LMBRD1: variants seen among roughly 807,000 people sequenced by gnomAD.
LMBRD1 encodes the protein lysosomal cobalamin transport escort protein LMBD1.
In LMBRD1, 64 loss-of-function variants were observed where a neutral mutation model predicts 74.8. That is an observed-to-expected ratio of 0.86 (90% CI 0.70 to 1.05). The LOEUF is 1.05. LMBRD1 is among the 50% of genes least tolerant of loss of function. The pLI is 0.00. For synonymous variants in LMBRD1, 204 were observed against 216.3 expected (o/e 0.94, Z 0.50); for missense variants, 652 against 645.9 (o/e 1.01, Z -0.10).
chr6:69,734,579 A>G (rs1387546502), intron 7 of LMBRD1, among the ~76,000 whole-genome samples: 1 of 152,054 alleles, frequency 6.6e-6, no homozygotes, highest in Non-Finnish European at 1.5e-5. Context: ...TATTTTCAGT[A>G]GAGATGGGGT....
chr6:69,716,890 A>G (rs1225080382), intron 8 of LMBRD1, among the ~76,000 whole-genome samples: 1 of 150,792 alleles, frequency 6.6e-6, no homozygotes, highest in African/African-American at 2.4e-5. Flanking sequence ...TTAATTATTA[A>G]TTAATTTTAA....
intron 3 of LMBRD1, among the ~76,000 whole-genome samples, chr6:69,771,587 T>C (rs551506972): frequency 6.6e-6 from 1 of 152,244 alleles, no homozygotes; most frequent in African/African-American, 2.4e-5. Flanking sequence ...TGGGCCATCA[T>C]GAGAGTTTGC....
chr6:69,687,137 ATTCCTC>A (rs1765780207), intron 14 of LMBRD1, among the ~76,000 whole-genome samples: 1 of 152,090 alleles, frequency 6.6e-6, no homozygotes, highest in East Asian at 1.9e-4. Context: ...TCTGCTTGCT[ATTCCTC>A]TACCTCCTCA....
At chr6:69,733,022 GGTACA>G (rs1252856607) in intron 7 of LMBRD1, among the ~76,000 whole-genome samples, 3 of 151,824 alleles carry the variant, frequency 2.0e-5, no homozygotes, top group Non-Finnish European at 4.4e-5. Flanking sequence ...ATTAATACAG[GGTACA>G]GTAGTCAGAA....
chr6:69,749,551 T>G, intron 4 of LMBRD1, 143 bp from the exon 5 acceptor site: 1 of 693,132 alleles, frequency 1.4e-6, no homozygotes, highest in East Asian at 2.8e-5. Context: ...AACCTTAAAA[T>G]TTAAAGAAAA....
intron 9 of LMBRD1, among the ~76,000 whole-genome samples, chr6:69,707,413 C>A (rs576651034): frequency 6.6e-6 from 1 of 152,232 alleles, no homozygotes; most frequent in East Asian, 1.9e-4. Context: ...ATGAGGGCAT[C>A]ATTAGGTGAA....
At position 69,770,461 on chromosome 6, in the gene LMBRD1, T is replaced by C. The variant is rs143665700; in HGVS notation, c.307+10033A>G. ...AGCTGTTGTTTTCTGTTCAGTTTTG[T>C]CCAACTTCATATTTGTTTTCTGGTG... On this transcript the variant is annotated intron_variant, in intron 3 of 15. Transcript: ENST00000649934. Among the ~76,000 whole-genome samples, 9 of 152,326 alleles carry C rather than the reference T, an allele frequency of 5.9e-5. No individual in the cohort carries two copies. The East Asian group carries it at 1.7e-3, about 29-fold the overall frequency.
At chr6:69,685,854 A>T (rs1053882712) in intron 14 of LMBRD1, among the ~76,000 whole-genome samples, 1 of 152,126 alleles carries the variant, frequency 6.6e-6, no homozygotes, top group Non-Finnish European at 1.5e-5. Flanking sequence ...TCGGTTTCAC[A>T]AATCTTCCAA....
chr6:69,695,263 G>T (rs1242218488), intron 14 of LMBRD1, among the ~76,000 whole-genome samples: 1 of 151,442 alleles, frequency 6.6e-6, no homozygotes, highest in Non-Finnish European at 1.5e-5. Flanking sequence ...AAAAAAAAAA[G>T]TTCTTGACTC....
chr6:69,771,170 A>G (rs1487872481), intron 3 of LMBRD1, among the ~76,000 whole-genome samples: 1 of 152,212 alleles, frequency 6.6e-6, no homozygotes, highest in Admixed American at 6.5e-5. Context: ...TGGGTCCCCA[A>G]GCTCAGAATT....
intron 2 of LMBRD1, among the ~76,000 whole-genome samples, chr6:69,788,275 A>G (rs1259383206): frequency 6.6e-6 from 1 of 152,168 alleles, no homozygotes; most frequent in Non-Finnish European, 1.5e-5. Flanking sequence ...TCAAACAATA[A>G]TTATACCAGG....
rs552143645 is a variant in LMBRD1, at chr6:69,742,872, A to G, written c.474-995T>C. On this transcript the variant is annotated intron_variant, in intron 5 of 15. Coordinates refer to ENST00000649934, the MANE Select transcript of LMBRD1 (RefSeq NM_018368.4). ...TATTTAAAAAATGACTGGGCACAGCATGTCAGGGGGTTACTTAAATTTCTA... is the reference window on the plus strand; with the variant it reads ...TATTTAAAAAATGACTGGGCACAGCGTGTCAGGGGGTTACTTAAATTTCTA... Among the ~76,000 whole-genome samples, 4 of 152,256 alleles carry G rather than the reference A, an allele frequency of 2.6e-5. No homozygotes were observed. In the South Asian group the frequency reaches 8.3e-4, roughly 32 times the overall value.
intron 1 of LMBRD1, 70 bp from the exon 2 acceptor site, chr6:69,790,542 A>G: frequency 6.7e-7 from 1 of 1,493,250 alleles, no homozygotes; most frequent in Non-Finnish European, 9.3e-7. Flanking sequence ...ATGTGTTTGA[A>G]AGTTTCTAGC....
chr6:69,697,915 T>C (rs1670595275), intron 13 of LMBRD1, among the ~76,000 whole-genome samples: 1 of 152,096 alleles, frequency 6.6e-6, no homozygotes, highest in Admixed American at 6.6e-5. Flanking sequence ...AAGTATAGCA[T>C]CTGAAAGGAA....
At chr6:69,732,784 A>T (rs1766888230) in intron 7 of LMBRD1, among the ~76,000 whole-genome samples, 1 of 152,192 alleles carries the variant, frequency 6.6e-6, no homozygotes, top group Non-Finnish European at 1.5e-5. Context: ...TAGGCAGTTC[A>T]CTGGTCCATA....
rs963096353 is a variant in LMBRD1, at chr6:69,674,462, C to T, written c.*1696G>A. Among the ~76,000 whole-genome samples the T allele has an allele frequency of 1.4e-4, 22 of 152,220 alleles. No individual in the cohort carries two copies. Among genetic ancestry groups the T allele is most frequent in the African/African-American group, 5.1e-4 (21 of 41,526 alleles). On this transcript the variant is annotated 3_prime_UTR_variant, in exon 16 of 16. Transcript: ENST00000649934. ...ATACAGAAGAGATATGGAGATCTAC[C>T]TGATTCTTTGTTTAGGCAATCAAGT...
At chr6:69,722,699 A>G (rs1400565171) in intron 7 of LMBRD1, among the ~76,000 whole-genome samples, 1 of 152,212 alleles carries the variant, frequency 6.6e-6, no homozygotes. Flanking sequence ...CGAATACTTA[A>G]AAACATAAAG....
chr6:69,774,846 C>A (rs3778244), intron 3 of LMBRD1, among the ~76,000 whole-genome samples: 2 of 151,158 alleles, frequency 1.3e-5, no homozygotes, highest in East Asian at 3.9e-4. Flanking sequence ...TAATCCCAAC[C>A]CTTTGAGAGG....
intron 14 of LMBRD1, among the ~76,000 whole-genome samples, chr6:69,692,202 C>T (rs1032102810): frequency 6.6e-6 from 1 of 151,870 alleles, no homozygotes; most frequent in Non-Finnish European, 1.5e-5. Flanking sequence ...TCTTAATCAT[C>T]TGCCCTAGTA....
Sources: allele counts gnomAD v4.1 joint callset (sites outside exome capture counted in the v4.1 genomes callset), GRCh38; gene constraint gnomAD v4.1.1; transcripts MANE v1.5; gene names NCBI Gene and HGNC (gene_info 2026-07-23, HGNC 2026-07-21).